Variants in FAS observed in about 807,000 individuals in gnomAD.
The protein encoded by FAS is Fas cell surface death receptor, also known as tumor necrosis factor receptor superfamily member 6.
In FAS, 5 loss-of-function variants were observed where a neutral mutation model predicts 33.2. The observed-to-expected ratio is 0.15, with a 90% CI of 0.08 to 0.32. FAS has a LOEUF of 0.32. Ranked by LOEUF, FAS falls within the 10% of genes least tolerant of loss-of-function variation. The pLI is 1.00. For missense variants in FAS, 339 were observed against 386.0 expected, an observed-to-expected ratio of 0.88 and a Z score of 1.02; for synonymous variants, 131 against 130.7, an observed-to-expected ratio of 1.00 and a Z score of -0.01.
intron 2 of FAS, chr10:88,973,408 A>G: frequency 5.3e-6 from 7 of 1,314,630 alleles, no homozygotes; most frequent in East Asian, 2.6e-5. Flanking sequence ...CCCGATGAAA[A>G]CAACTCTTTC....
chr10:89,011,975 G>C lies in FAS; in HGVS notation c.569-24G>C, dbSNP rs1848551536. 4 of 1,602,744 alleles carry C rather than the reference G, an allele frequency of 2.5e-6. No homozygotes were observed. In the South Asian group the frequency reaches 3.3e-5, roughly 13 times the overall value. ...ATTCTACAAGGCTGAGACCTGAGTT[G>C]ATAAAATTTCTTTGTTCTTTCAGTG... is the stretch of plus-strand genomic sequence containing the variant. On this transcript the variant is annotated intron_variant, in intron 6 of 8. Coordinates refer to ENST00000652046, the MANE Select transcript of FAS (RefSeq NM_000043.6).
chr10:89,012,260 C>T (rs1484142951), intron 7 of FAS, 179 bp downstream of exon 7: 5 of 571,808 alleles, frequency 8.7e-6, no homozygotes, highest in African/African-American at 7.5e-5. Context: ...TCACTGCAGC[C>T]TCAAAGTCCT....
chr10:88,982,212 G>A (rs1846728322), upstream of FAS, among the ~76,000 whole-genome samples: 1 of 152,144 alleles, frequency 6.6e-6, no homozygotes, highest in Non-Finnish European at 1.5e-5. Flanking sequence ...CACACAATAA[G>A]AAGACCTACC....
intron 1 of FAS, among the ~76,000 whole-genome samples, chr10:88,999,176 A>AAAAAG (rs61628255): frequency 1.0e-5 from 1 of 98,454 alleles, no homozygotes. Context: ...AATAAATAAA[A>AAAAAG]TAAAATAAAA....
intron 1 of FAS, among the ~76,000 whole-genome samples, chr10:88,998,893 C>A (rs765891897): frequency 2.0e-4 from 30 of 152,150 alleles, no homozygotes; most frequent in Non-Finnish European, 3.5e-4. Flanking sequence ...TGGTGGCTCA[C>A]GCCTGTAATC....
chr10:89,007,558 C>A, intron 2 of FAS, 142 bp from the exon 3 acceptor site: 2 of 1,102,292 alleles, frequency 1.8e-6, no homozygotes, highest in Non-Finnish European at 2.7e-6. Flanking sequence ...ATCTTCTCCC[C>A]CATTGTATTT....
intron 1 of FAS, among the ~76,000 whole-genome samples, chr10:89,001,588 C>G (rs1847935419): frequency 6.6e-6 from 1 of 151,748 alleles, no homozygotes; most frequent in Non-Finnish European, 1.5e-5. Flanking sequence ...TGCCATGGTG[C>G]TAGGGCAGAG....
intron 1 of FAS, chr10:88,991,716 T>A (rs146606759): frequency 6.6e-6 from 1 of 152,480 alleles, no homozygotes; most frequent in Non-Finnish European, 1.5e-5. Context: ...ACTCCCATGG[T>A]GATTTCTGCT....
upstream of FAS, among the ~76,000 whole-genome samples, chr10:88,990,095 A>G (rs1847074105): frequency 6.6e-6 from 1 of 152,200 alleles, no homozygotes; most frequent in Admixed American, 6.5e-5. The surrounding 1 kb of genome is among the most constrained non-coding windows in gnomAD (Gnocchi z 4.9). Context: ...ATTTGGCTTA[A>G]GTTGTTAGCT....
In FAS at chr10:89,008,956, T is replaced by C. The variant is rs1344918291; in HGVS notation, c.402T>C (p.Phe134=). The C allele has an allele frequency of 6.2e-6, 10 of 1,614,058 alleles. No homozygotes were observed. The highest frequency in any genetic ancestry group is 8.5e-6 in the Non-Finnish European group (10 of 1,179,904). The change falls in exon 4 of 9, where the codon TTT becomes TTC. Residue 134 remains phenylalanine (F), a synonymous_variant. Coordinates refer to ENST00000652046, the MANE Select transcript of FAS (RefSeq NM_000043.6). ...NTKCRCKPNF[F]CNSTVCEHCD... ...AGTGCAGATGTAAACCAAACTTTTT[T>C]TGTAACTCTACTGTATGTGAACACT...
chr10:88,988,706 C>T (rs1282586705), upstream of FAS, among the ~76,000 whole-genome samples: 2 of 152,134 alleles, frequency 1.3e-5, no homozygotes, highest in Non-Finnish European at 2.9e-5. Flanking sequence ...GATGCCCAAA[C>T]TGTTTTCCCC....
In FAS at chr10:89,014,840, C is replaced by T; in HGVS notation, c.*390C>T. 1 of 540,972 alleles carries T rather than the reference C, an allele frequency of 1.8e-6. No individual in the cohort carries two copies. The allele number at this position is 540,972 out of a possible 1,614,324, so 33.5% of individuals were successfully genotyped here. A position where few individuals can be genotyped will look rare whatever the true frequency, so the allele number is the denominator to read the frequency against. On this transcript the variant is annotated 3_prime_UTR_variant, in exon 9 of 9. Coordinates refer to ENST00000652046, the MANE Select transcript of FAS (RefSeq NM_000043.6). ...TATGAATCAATAGAAGAAGCTATGACCTTTTGCTGAAATATCAGTTACTGA... is the reference window on the plus strand; with the variant it reads ...TATGAATCAATAGAAGAAGCTATGATCTTTTGCTGAAATATCAGTTACTGA...
intron 2 of FAS, among the ~76,000 whole-genome samples, chr10:89,005,555 A>C (rs1030123816): frequency 6.6e-6 from 1 of 152,072 alleles, no homozygotes; most frequent in African/African-American, 2.4e-5. Flanking sequence ...ATGCATATAC[A>C]TGTATGTATG....
chr10:89,011,934 G>A, intron 6 of FAS, 65 bp from the exon 7 acceptor site: 5 of 1,322,032 alleles, frequency 3.8e-6, no homozygotes, highest in Non-Finnish European at 5.4e-6. Context: ...TAGTGTGAAA[G>A]TATGTTCTCA....
intron 1 of FAS, among the ~76,000 whole-genome samples, chr10:89,001,687 A>G (rs1847940178): frequency 6.6e-6 from 1 of 152,096 alleles, no homozygotes; most frequent in African/African-American, 2.4e-5. Flanking sequence ...ATTCTTCCTC[A>G]CTGATGCTGC....
At chr10:89,012,127 A>G in intron 7 of FAS, 46 bp downstream of exon 7, 1 of 1,505,414 alleles carries the variant, frequency 6.6e-7, no homozygotes. Context: ...AGAAAAATAG[A>G]GAAATTAGTG....
chr10:88,972,865 GT>G (rs1846480799), intron 1 of FAS, among the ~76,000 whole-genome samples: 1 of 152,096 alleles, frequency 6.6e-6, no homozygotes, highest in Non-Finnish European at 1.5e-5. Context: ...TTTTTCCAGT[GT>G]CTACTTAACT....
At chr10:89,006,137 A>G (rs1848216882) in intron 2 of FAS, among the ~76,000 whole-genome samples, 2 of 152,252 alleles carry the variant, frequency 1.3e-5, no homozygotes, top group African/African-American at 4.8e-5. Flanking sequence ...CATTATACCA[A>G]GGAAGTTGTG....
intron 4 of FAS, 80 bp from the exon 5 acceptor site, chr10:89,010,459 T>G: frequency 8.4e-7 from 1 of 1,189,194 alleles, no homozygotes; most frequent in Non-Finnish European, 1.2e-6. Context: ...AAATGGCCCC[T>G]AATTTACAAA....
Sources: gnomAD v4.1 joint callset for allele counts (sites outside exome capture counted in the v4.1 genomes callset) on GRCh38, gnomAD v4.1.1 for gene constraint, Gnocchi (gnomAD v3.1) non-coding constraint, MANE v1.5 for transcripts, NCBI Gene and HGNC (gene_info 2026-07-23, HGNC 2026-07-21) for gene names.